Variants in COPS9 observed in about 807,000 individuals in gnomAD.
COPS9 encodes COP9 signalosome complex subunit 9.
A neutral mutation model predicts 7.2 loss-of-function variants in COPS9; 8 were observed. The observed-to-expected ratio is 1.11, with a 90% CI of 0.65 to 2.00. The LOEUF is 2.00. Among genes scored for constraint, COPS9 ranks in the 30% most tolerant of loss-of-function variants. The pLI is 0.00. For missense variants in COPS9, 74 were observed against 77.7 expected (o/e 0.95, Z 0.18); for synonymous variants, 39 against 28.7 (o/e 1.36, Z -1.14).
Position 240,136,236 on chromosome 2 carries a change from C to T in COPS9, c.49G>A (p.Val17Met). The T allele has an allele frequency of 6.4e-7, 1 of 1,563,802 alleles. No homozygotes were observed. The highest frequency in any genetic ancestry group is 8.6e-7 in the Non-Finnish European group (1 of 1,158,758). ...EMFPEGAGPY[V>M]DLDEAGGSTG... is the part of the protein sequence containing the mutation. Reference sequence around the variant, plus strand: ...GCCCGTGCCACCTCGTCCAGGTCCACGTAGGGCCCGGCGCCCTCGGGGAAC... The same window carrying T: ...GCCCGTGCCACCTCGTCCAGGTCCATGTAGGGCCCGGCGCCCTCGGGGAAC... The change falls in exon 1 of 3, where the codon GTG becomes ATG. Residue 17 changes from valine (V) to methionine (M), a missense_variant. By Grantham distance (21) the Val-to-Met change is conservative. Transcript: ENST00000607357.
intron 1 of COPS9, chr2:240,135,924 C>G (rs1281804787): frequency 6.7e-6 from 3 of 446,290 alleles, no homozygotes; most frequent in East Asian, 7.8e-5. Flanking sequence ...CGCAACTCCT[C>G]TGACCACGGG....
downstream of COPS9, chr2:240,129,880 G>A (rs1559477209): frequency 5.0e-6 from 8 of 1,593,876 alleles, no homozygotes; most frequent in Non-Finnish European, 6.9e-6. Flanking sequence ...GCGGCCCAGT[G>A]CAGACCTTCT....
At position 240,132,571 on chromosome 2, in the gene COPS9, C is replaced by T. The variant is rs964407694; in HGVS notation, c.136+1362G>A. ...TGACGGGTAGGACCTGGGTCCCTCT[C>T]AGAGATGCTTTCCCGTCAGGATTCA... is the stretch of plus-strand genomic sequence containing the variant. On this transcript the variant is annotated intron_variant, in intron 2 of 2. Transcript: ENST00000607357. This position sits in a 1 kb window ranked among gnomAD's most constrained non-coding sequence, Gnocchi z 4.1. 2.0e-5 allele frequency among the ~76,000 whole-genome samples: 3 copies of T among 152,208 alleles called. No homozygotes were observed. The highest frequency in any genetic ancestry group is 4.4e-5 in the Non-Finnish European group (3 of 68,050).
chr2:240,126,951 AC>A (rs1174053909), downstream of COPS9: 7 of 1,607,116 alleles, frequency 4.4e-6, no homozygotes, highest in Admixed American at 6.7e-5. Context: ...CTGGGGAGAG[AC>A]AAGGAAGCTC....
At chr2:240,135,983 G>C (rs2071986095) in intron 1 of COPS9, 1 of 595,980 alleles carries the variant, frequency 1.7e-6, no homozygotes, top group Admixed American at 4.4e-5. Context: ...CAACCCTCAG[G>C]CTGCGCCTCC....
chr2:240,127,544 C>T (rs1184745395), downstream of COPS9, among the ~76,000 whole-genome samples: 1 of 152,160 alleles, frequency 6.6e-6, no homozygotes, highest in Admixed American at 6.5e-5. Flanking sequence ...CGAATCCTCA[C>T]CCCCAACCCC....
intron 1 of COPS9, 66 bp downstream of exon 1, chr2:240,136,156 A>G: frequency 7.7e-7 from 1 of 1,304,524 alleles, no homozygotes; most frequent in Non-Finnish European, 9.8e-7. Context: ...GCGCACCAGG[A>G]CGCCGCCCTT....
chr2:240,131,778 G>T (rs111326348), intron 2 of COPS9, among the ~76,000 whole-genome samples: 79 of 152,310 alleles, frequency 5.2e-4, no homozygotes, highest in African/African-American at 1.8e-3. Flanking sequence ...ACAATGGGAG[G>T]TGAAAATACA....
chr2:240,133,762 G>A (rs991048850), intron 2 of COPS9, among the ~76,000 whole-genome samples, 171 bp downstream of exon 2: 2 of 152,194 alleles, frequency 1.3e-5, no homozygotes, highest in Non-Finnish European at 2.9e-5. Flanking sequence ...GCCTGCCAGT[G>A]GCCGCAGCCC....
intron 2 of COPS9, among the ~76,000 whole-genome samples, chr2:240,131,988 C>T (rs2071927684): frequency 6.6e-6 from 1 of 152,226 alleles, no homozygotes; most frequent in Non-Finnish European, 1.5e-5. Context: ...TCCCCAGCCA[C>T]ACTGATGCAC....
chr2:240,136,196 G>A (rs1225139491), intron 1 of COPS9, 26 bp downstream of exon 1: 1 of 1,503,832 alleles, frequency 6.6e-7, no homozygotes, highest in Non-Finnish European at 8.9e-7. Flanking sequence ...CCCCACGCTC[G>A]GAGACTCCCG....
chr2:240,129,481 C>T (rs183658417), downstream of COPS9, among the ~76,000 whole-genome samples: 142 of 152,228 alleles, frequency 9.3e-4, 2 homozygotes, highest in East Asian at 3.3e-3. Context: ...AAGAAAGGAA[C>T]GGATTCAGCA....
At chr2:240,131,137 T>G (rs1314225153) in intron 2 of COPS9, 49 bp from the exon 3 acceptor site, 1 of 1,584,846 alleles carries the variant, frequency 6.3e-7, no homozygotes, top group Non-Finnish European at 8.6e-7. Context: ...GGGTAAGGGC[T>G]GAAGAAATCA....
chr2:240,128,600 T>G (rs1270468679), downstream of COPS9, among the ~76,000 whole-genome samples: 1 of 152,176 alleles, frequency 6.6e-6, no homozygotes, highest in African/African-American at 2.4e-5. Context: ...GGGATCGGTA[T>G]AGAGGTCTCT....
chr2:240,128,127 C>T (rs752293417), downstream of COPS9, among the ~76,000 whole-genome samples: 1 of 152,184 alleles, frequency 6.6e-6, no homozygotes, highest in Non-Finnish European at 1.5e-5. Flanking sequence ...GCGCACAGCT[C>T]GCAGAAGGTG....
chr2:240,135,017 G>A (rs998505688), intron 1 of COPS9, among the ~76,000 whole-genome samples: 3 of 152,118 alleles, frequency 2.0e-5, no homozygotes, highest in African/African-American at 7.2e-5. Context: ...TGTAAAACAG[G>A]ACTGAGAAGC....
chr2:240,129,871 C>T (rs202067296), downstream of COPS9: 40 of 1,548,216 alleles, frequency 2.6e-5, no homozygotes, highest in East Asian at 3.4e-4. Flanking sequence ...CCTCAACGTG[C>T]GGCCCAGTGC....
rs1337278017 is a variant in COPS9, at chr2:240,132,846, CAA to C, written c.136+1085_136+1086del. 1.3e-5 allele frequency among the ~76,000 whole-genome samples: 2 copies of C among 152,062 alleles called. No homozygotes were observed. The highest frequency in any genetic ancestry group is 2.9e-5 in the Non-Finnish European group (2 of 68,014). On this transcript the variant is annotated intron_variant, in intron 2 of 2. Transcript: ENST00000607357. The surrounding 1 kb of genome is among the most constrained non-coding windows in gnomAD (Gnocchi z 4.1). ...TTGTACAATTTGTTCCCTCTGAAGG[CAA>C]CACCCTTCTCCCACCTCGCTCTGGC...
chr2:240,129,602 G>A (rs1470636155), downstream of COPS9, among the ~76,000 whole-genome samples: 1 of 152,218 alleles, frequency 6.6e-6, no homozygotes, highest in East Asian at 1.9e-4. Context: ...AACCTCAGCT[G>A]AAGGGGAACT....
Sources: gnomAD v4.1 joint callset for allele counts (sites outside exome capture counted in the v4.1 genomes callset) on GRCh38, gnomAD v4.1.1 for gene constraint, Gnocchi (gnomAD v3.1) non-coding constraint, MANE v1.5 for transcripts, NCBI Gene and HGNC (gene_info 2026-07-23, HGNC 2026-07-21) for gene names.